DYNC2H1: variants seen among roughly 807,000 people sequenced by gnomAD.
The protein encoded by DYNC2H1 is dynein cytoplasmic 2 heavy chain 1.
In DYNC2H1, 410 loss-of-function variants were observed where a neutral mutation model predicts 570.0. That is an observed-to-expected ratio of 0.72 (90% CI 0.66 to 0.78). DYNC2H1 has a LOEUF of 0.78. Ranked by LOEUF, DYNC2H1 falls within the 30% of genes least tolerant of loss-of-function variation. DYNC2H1 has a pLI of 0.00. For missense variants in DYNC2H1, 4,865 were observed against 5,046.4 expected (o/e 0.96, Z 1.09); for synonymous variants, 1,688 against 1,677.6 (o/e 1.01, Z -0.15).
chr11:103,431,698 G>A lies in DYNC2H1; in HGVS notation c.12367-4245G>A, dbSNP rs189253501. Among the ~76,000 whole-genome samples the A allele has an allele frequency of 5.5e-4, 84 of 152,134 alleles. No individual in the cohort carries two copies. The East Asian group carries it at 6.0e-3, about 11-fold the overall frequency. ...TAACATAATCTGTCCTTTGGGATTC[G>A]ACAAACTCTTGAAAAGCATTTTCTG... On this transcript the variant is annotated intron_variant, in intron 84 of 88. Coordinates refer to ENST00000375735, the MANE Select transcript of DYNC2H1 (RefSeq NM_001377.3).
At chr11:103,338,845 G>T (rs900890294) in intron 82 of DYNC2H1, among the ~76,000 whole-genome samples, 1 of 152,092 alleles carries the variant, frequency 6.6e-6, no homozygotes, top group Non-Finnish European at 1.5e-5. Flanking sequence ...GTTTGGTGAG[G>T]TCATGTTTTC....
chr11:103,170,060 A>G lies in DYNC2H1; in HGVS notation c.4969-48A>G. 7.0e-7 allele frequency: 1 copy of G among 1,434,052 alleles called. No individual in the cohort carries two copies. Among genetic ancestry groups the G allele is most frequent in the Non-Finnish European group, 9.3e-7 (1 of 1,071,626 alleles). The allele number at this position is 1,434,052 out of a possible 1,614,324, so 88.8% of individuals were successfully genotyped here. ...TCTCATGCTGTAAAAATATTTGTAA[A>G]TGTTGAATAGAACATGAATACTCTG... is the stretch of plus-strand genomic sequence containing the variant. On this transcript the variant is annotated intron_variant, in intron 32 of 88. Transcript: ENST00000375735. This position sits in a 1 kb window ranked among gnomAD's most constrained non-coding sequence, Gnocchi z 4.8.
intron 81 of DYNC2H1, 74 bp downstream of exon 81, chr11:103,321,311 G>A (rs1197960096): frequency 3.2e-6 from 4 of 1,232,324 alleles, no homozygotes; most frequent in East Asian, 2.5e-5. Flanking sequence ...TTAAATACAT[G>A]TTACTTCTTT....
At chr11:103,236,244 T>C (rs1367803405) in intron 62 of DYNC2H1, among the ~76,000 whole-genome samples, 186 bp from the exon 63 acceptor site, 1 of 152,022 alleles carries the variant, frequency 6.6e-6, no homozygotes, top group Non-Finnish European at 1.5e-5. Flanking sequence ...TGGAGTTCCA[T>C]TCCTTTGCAC....
chr11:103,189,929 A>G lies in DYNC2H1; in HGVS notation c.7437+113A>G. ...CAGGCTTTACTTTCCTGTTTATTAG[A>G]CTTTTCTAGTAGAGAGTAACTGTGA... On this transcript the variant is annotated intron_variant, in intron 45 of 88. Transcript: ENST00000375735. This position sits in a 1 kb window ranked among gnomAD's most constrained non-coding sequence, Gnocchi z 4.3. 9.0e-7 allele frequency: 1 copy of G among 1,109,438 alleles called. No individual in the cohort carries two copies. Among genetic ancestry groups the G allele is most frequent in the Non-Finnish European group, 1.3e-6 (1 of 790,618 alleles). 68.7% of individuals were successfully genotyped at this position (1,109,438 alleles called of 1,614,324 possible).
rs1258712918 is a variant in DYNC2H1, at chr11:103,235,756, C to G, written c.9652C>G (p.Pro3218Ala). ...ATTTATTACATATCTTTCTGCTGCTCCTGAATCTCTGAGAAAAACCTGTTT... is the reference window on the plus strand; with the variant it reads ...ATTTATTACATATCTTTCTGCTGCTGCTGAATCTCTGAGAAAAACCTGTTT... Reference protein sequence around the residue: ...AAFITYLSAAPESLRKTCLEE... With the variant: ...AAFITYLSAAAESLRKTCLEE... Residue 3218 changes from proline (P) to alanine (A), a missense_variant, in exon 62 of 89, where the codon CCT becomes GCT. Pro to Ala is a conservative substitution (Grantham distance 27). Around this residue, in one of 5 missense-constraint regions of DYNC2H1, gnomAD observed 2,401 missense variants for 2,454.6 expected, o/e 0.98. Transcript: ENST00000375735. 6.2e-7 allele frequency: 1 copy of G among 1,611,848 alleles called. No homozygotes were observed. Among genetic ancestry groups the G allele is most frequent in the East Asian group, 2.2e-5 (1 of 44,744 alleles).
intron 83 of DYNC2H1, among the ~76,000 whole-genome samples, chr11:103,373,701 C>G (rs555597940): frequency 6.6e-6 from 1 of 152,220 alleles, no homozygotes; most frequent in African/African-American, 2.4e-5. Flanking sequence ...TCTGTTAGGT[C>G]CACTTGGTCT....
chr11:103,473,835 C>A (rs865846251), intron 88 of DYNC2H1, among the ~76,000 whole-genome samples: 2 of 152,166 alleles, frequency 1.3e-5, no homozygotes, highest in African/African-American at 2.4e-5. Context: ...CAGCCTGAAC[C>A]CATGAGGCTG....
At chr11:103,274,366 C>A (rs959941922) in intron 70 of DYNC2H1, among the ~76,000 whole-genome samples, 1 of 151,824 alleles carries the variant, frequency 6.6e-6, no homozygotes, top group African/African-American at 2.4e-5. Flanking sequence ...TCTGTAAAAA[C>A]AAACATCAAA....
intron 75 of DYNC2H1, among the ~76,000 whole-genome samples, chr11:103,293,702 C>T (rs1866705002): frequency 6.6e-6 from 1 of 151,918 alleles, no homozygotes; most frequent in Non-Finnish European, 1.5e-5. Context: ...GACACTGATG[C>T]ATTTTTCAGT....
chr11:103,246,354 C>T (rs1864617547), intron 65 of DYNC2H1, among the ~76,000 whole-genome samples: 1 of 151,890 alleles, frequency 6.6e-6, no homozygotes. Context: ...TCTCAATTTG[C>T]CATTCTTCAT....
chr11:103,140,723 C>G (rs1162219965), intron 17 of DYNC2H1, among the ~76,000 whole-genome samples: 1 of 152,140 alleles, frequency 6.6e-6, no homozygotes, highest in South Asian at 2.1e-4. Context: ...GTGACATTCT[C>G]TGTATTTCCT....
At chr11:103,283,132 G>A in intron 73 of DYNC2H1, 47 bp downstream of exon 73, 1 of 1,469,918 alleles carries the variant, frequency 6.8e-7, no homozygotes, top group Non-Finnish European at 9.4e-7. Context: ...TTCTGTATTT[G>A]CATTGTTTCT....
At chr11:103,253,222 C>A in intron 65 of DYNC2H1, 63 bp from the exon 66 acceptor site, 1 of 1,465,156 alleles carries the variant, frequency 6.8e-7, no homozygotes, top group South Asian at 1.4e-5. Flanking sequence ...ATTATATTTT[C>A]AAATATTGTA....
intron 85 of DYNC2H1, among the ~76,000 whole-genome samples, chr11:103,452,965 T>G (rs1944661537): frequency 1.3e-5 from 2 of 152,092 alleles, no homozygotes; most frequent in African/African-American, 4.8e-5. Flanking sequence ...ATCTTTATCA[T>G]TCATTCCAGT....
At chr11:103,459,604 A>G (rs1944931513) in intron 87 of DYNC2H1, among the ~76,000 whole-genome samples, 1 of 152,046 alleles carries the variant, frequency 6.6e-6, no homozygotes, top group South Asian at 2.1e-4. Context: ...ATCATTACCA[A>G]CAAGCTAGAT....
In DYNC2H1 at chr11:103,255,449, A is replaced by G. The variant is rs1427712341; in HGVS notation, c.10241A>G (p.Asp3414Gly). The change falls in exon 67 of 89, where the codon GAT (aspartate) becomes GGT (glycine). Residue 3414 changes from aspartate (D) to glycine (G), a missense_variant. Asp to Gly is a moderately conservative substitution (Grantham distance 94, BLOSUM62 -1). Around this residue, in one of 5 missense-constraint regions of DYNC2H1, gnomAD observed 2,401 missense variants for 2,454.6 expected, o/e 0.98. Transcript: ENST00000375735. ...TTAACCATTCAGCATGAGAAACCTG[A>G]TTTAGAAGAACAGAAAACAAAACTA... is the stretch of plus-strand genomic sequence containing the variant. ...LALTIQHEKPDLEEQKTKLLQ... is the reference protein window; with the variant it reads ...LALTIQHEKPGLEEQKTKLLQ... The G allele has an allele frequency of 4.5e-6, 7 of 1,568,138 alleles. No individual in the cohort carries two copies. In the Admixed American group the frequency reaches 5.6e-5, roughly 13 times the overall value.
intron 84 of DYNC2H1, among the ~76,000 whole-genome samples, chr11:103,431,227 A>C (rs1008383691): frequency 2.6e-5 from 4 of 151,624 alleles, no homozygotes; most frequent in Non-Finnish European, 4.4e-5. Context: ...AAAAAAAAAA[A>C]AAAAAACTAA....
Position 103,189,803 on chromosome 11 carries a change from A to G in DYNC2H1, c.7424A>G (p.Gln2475Arg). The change falls in exon 45 of 89, where the codon CAA (glutamine) becomes CGA (arginine). Residue 2475 changes from glutamine to arginine, a missense_variant. Gln to Arg is a conservative substitution (Grantham distance 43, BLOSUM62 1). Coordinates refer to ENST00000375735, the MANE Select transcript of DYNC2H1 (RefSeq NM_001377.3). The surrounding 1 kb of genome is among the most constrained non-coding windows in gnomAD (Gnocchi z 4.3). Reference protein sequence around the residue: ...KIYLLAGSMVQVYEQVRAKFT... With the variant: ...KIYLLAGSMVRVYEQVRAKFT... Reference sequence around the variant, plus strand: ...TATCTTTTAGCAGGATCTATGGTACAAGTGTATGAACAGGTAGATATGCAT... The same window carrying G: ...TATCTTTTAGCAGGATCTATGGTACGAGTGTATGAACAGGTAGATATGCAT... 6.2e-7 allele frequency: 1 copy of G among 1,609,156 alleles called. No homozygotes were observed. Among genetic ancestry groups the G allele is most frequent in the Non-Finnish European group, 8.5e-7 (1 of 1,178,498 alleles).
Sources: gnomAD v4.1 joint callset for allele counts (sites outside exome capture counted in the v4.1 genomes callset) on GRCh38, gnomAD v4.1.1 for gene constraint, gnomAD v4.1.1 regional missense constraint, Gnocchi (gnomAD v3.1) non-coding constraint, MANE v1.5 for transcripts, NCBI Gene and HGNC (gene_info 2026-07-23, HGNC 2026-07-21) for gene names.